RFX7: variants seen among roughly 807,000 people sequenced by gnomAD.
RFX7 encodes regulatory factor X7, also known as DNA-binding protein RFX7.
RFX7 carries 26 observed loss-of-function variants against 111.8 expected under a neutral mutation model. That is an observed-to-expected ratio of 0.23 (90% confidence interval 0.17 to 0.32). The LOEUF is 0.32. Among genes scored for constraint, RFX7 ranks in the 10% least tolerant of loss-of-function variants. RFX7 has a pLI of 1.00. For synonymous variants in RFX7, 624 were observed against 624.4 expected (o/e 1.00, Z 0.01); for missense variants, 1,573 against 1,772.9 (o/e 0.89, Z 2.02).
intron 2 of RFX7, among the ~76,000 whole-genome samples, chr15:56,190,449 C>T (rs1336389350): frequency 2.0e-5 from 3 of 152,172 alleles, no homozygotes; most frequent in African/African-American, 7.2e-5. Context: ...AAGGCCCAGC[C>T]CCTTCCCCCA....
intron 2 of RFX7, among the ~76,000 whole-genome samples, chr15:56,214,245 C>A (rs1270018792): frequency 6.6e-6 from 1 of 152,016 alleles, no homozygotes; most frequent in African/African-American, 2.4e-5. Flanking sequence ...TTTTCTTCCA[C>A]CAAAAGCTTA....
chr15:56,229,908 A>G (rs571734969), intron 2 of RFX7, among the ~76,000 whole-genome samples: 1 of 152,156 alleles, frequency 6.6e-6, no homozygotes. Flanking sequence ...AATTTGAAAC[A>G]CTTCAGGCCC....
chr15:56,172,063 G>GA (rs2042851300), intron 3 of RFX7, among the ~76,000 whole-genome samples: 1 of 152,074 alleles, frequency 6.6e-6, no homozygotes, highest in African/African-American at 2.4e-5. Flanking sequence ...TTAAAAATGA[G>GA]AATGTACCAA....
At chr15:56,159,660 T>C (rs1350796041) in intron 3 of RFX7, among the ~76,000 whole-genome samples, 1 of 152,202 alleles carries the variant, frequency 6.6e-6, no homozygotes, top group South Asian at 2.1e-4. Flanking sequence ...TTCATTTCTC[T>C]TCTGTCATAA....
intron 2 of RFX7, among the ~76,000 whole-genome samples, chr15:56,229,345 G>A (rs1445362957): frequency 2.6e-5 from 4 of 151,898 alleles, no homozygotes; most frequent in African/African-American, 7.3e-5. Context: ...GGCTCACTGC[G>A]AGCTCCGCCT....
chr15:56,188,327 C>G (rs188921323), intron 2 of RFX7, among the ~76,000 whole-genome samples: 1 of 151,996 alleles, frequency 6.6e-6, no homozygotes, highest in African/African-American at 2.4e-5. Flanking sequence ...ATCAAGTGGT[C>G]TAACTATGTA....
intron 2 of RFX7, among the ~76,000 whole-genome samples, chr15:56,240,910 A>C (rs899511723): frequency 6.6e-6 from 1 of 152,122 alleles, no homozygotes; most frequent in African/African-American, 2.4e-5. Flanking sequence ...AGGAGTTTTC[A>C]CTTTTGATAT....
At chr15:56,228,316 T>C (rs1404305671) in intron 2 of RFX7, among the ~76,000 whole-genome samples, 1 of 152,186 alleles carries the variant, frequency 6.6e-6, no homozygotes, top group Non-Finnish European at 1.5e-5. Context: ...ACTTCTGATA[T>C]TCCCATTATG....
At chr15:56,200,531 C>T (rs1234479827) in intron 2 of RFX7, among the ~76,000 whole-genome samples, 2 of 151,660 alleles carry the variant, frequency 1.3e-5, no homozygotes, top group African/African-American at 4.9e-5. Context: ...AAGAAAAAGT[C>T]GTAAAAGTGC....
At chr15:56,103,989 G>A (rs567683585) in intron 5 of RFX7, among the ~76,000 whole-genome samples, 159 of 152,302 alleles carry the variant, frequency 1.0e-3, no homozygotes, top group African/African-American at 3.6e-3. Context: ...AGCCAGTAGG[G>A]CTGTAAGTTT....
Position 56,093,571 on chromosome 15 carries a change from A to T in RFX7, c.4157T>A (p.Leu1386Ter). ...TASDFSSDIR[L>*]SSELSGSIND... ...GATGCTGCCTGAGAGCTCAGAAGAC[A>T]ACCTGATATCGCTAGAGAAATCAGA... The change falls in exon 10 of 10, where the codon TTG (leucine) becomes TAG (stop). Residue 1386 changes from leucine to a stop codon, truncating the protein, a stop_gained. Coordinates refer to ENST00000559447, the MANE Select transcript of RFX7 (RefSeq NM_022841.7). LOFTEE classifies it high-confidence loss of function. 1 of 1,613,724 alleles carries T rather than the reference A, an allele frequency of 6.2e-7. No homozygotes were observed. Among genetic ancestry groups the T allele is most frequent in the Non-Finnish European group, 8.5e-7 (1 of 1,179,692 alleles).
intron 5 of RFX7, among the ~76,000 whole-genome samples, chr15:56,118,691 T>C (rs764170199): frequency 1.3e-5 from 2 of 152,226 alleles, no homozygotes; most frequent in African/African-American, 4.8e-5. Flanking sequence ...CCAGATTTCC[T>C]TTCTTTTGGA....
At chr15:56,203,647 C>T (rs1314301528) in intron 2 of RFX7, among the ~76,000 whole-genome samples, 2 of 152,102 alleles carry the variant, frequency 1.3e-5, no homozygotes, top group African/African-American at 4.8e-5. Context: ...GTAAAGAAGC[C>T]GGCCAAAACC....
chr15:56,158,363 G>A (rs532740880), intron 3 of RFX7, among the ~76,000 whole-genome samples: 22 of 152,294 alleles, frequency 1.4e-4, no homozygotes, highest in African/African-American at 5.1e-4. Context: ...GTAGTGTTAT[G>A]TAAATGTTAT....
chr15:56,110,084 G>A lies in RFX7; in HGVS notation c.402-6414C>T, dbSNP rs2041895005. Among the ~76,000 whole-genome samples, 2 of 133,964 alleles carry A rather than the reference G, an allele frequency of 1.5e-5. 1 individual carries two copies. The highest frequency in any genetic ancestry group is 6.1e-5 in the African/African-American group (2 of 32,978). The allele number at this position is 133,964 out of a possible 152,430, so 87.9% of individuals were successfully genotyped here. On this transcript the variant is annotated intron_variant, in intron 5 of 9. Coordinates refer to ENST00000559447, the MANE Select transcript of RFX7 (RefSeq NM_022841.7). ...GCCCAGCCAGCCGCCCCGTCTGGGAGGGAGGTGGGGGGGTCAGCCCCCCGC... is the reference window on the plus strand; with the variant it reads ...GCCCAGCCAGCCGCCCCGTCTGGGAAGGAGGTGGGGGGGTCAGCCCCCCGC...
Position 56,091,959 on chromosome 15 carries a change from G to A in RFX7, c.*1386C>T, listed in dbSNP as rs1350363854. ...AAGGTAGCATAGCAAATGGTTTTAT[G>A]TTAGCTTTAAAAACAATGGCAATTT... On this transcript the variant is annotated 3_prime_UTR_variant, in exon 10 of 10. Transcript: ENST00000559447. 6.6e-6 allele frequency: 1 copy of A among 152,234 alleles called. No individual in the cohort carries two copies. Among genetic ancestry groups the A allele is most frequent in the Non-Finnish European group, 1.5e-5 (1 of 67,948 alleles). The allele number at this position is 152,234 out of a possible 1,614,324, so 9.4% of individuals were successfully genotyped here.
chr15:56,239,986 T>TC (rs1474747340), intron 2 of RFX7, among the ~76,000 whole-genome samples: 5 of 85,308 alleles, frequency 5.9e-5, no homozygotes, highest in Non-Finnish European at 1.2e-4. Flanking sequence ...TGGTATTTCT[T>TC]TTTTTTTTTT....
intron 5 of RFX7, among the ~76,000 whole-genome samples, chr15:56,119,692 G>T (rs755615894): frequency 6.6e-6 from 1 of 151,506 alleles, no homozygotes; most frequent in African/African-American, 2.4e-5. Context: ...CAGGAGAATC[G>T]CGTGAACCTG....
chr15:56,218,036 C>T (rs2043380959), intron 2 of RFX7, among the ~76,000 whole-genome samples: 1 of 151,346 alleles, frequency 6.6e-6, no homozygotes, highest in Non-Finnish European at 1.5e-5. Flanking sequence ...CTGTACTGAA[C>T]ACACCCAAAC....
Sources: gnomAD v4.1 joint callset for allele counts (sites outside exome capture counted in the v4.1 genomes callset) on GRCh38, gnomAD v4.1.1 for gene constraint, MANE v1.5 for transcripts, NCBI Gene and HGNC (gene_info 2026-07-23, HGNC 2026-07-21) for gene names.